TIMELESS: variants seen among roughly 807,000 people sequenced by gnomAD.
The protein encoded by TIMELESS is timeless circadian regulator.
In TIMELESS, 124 loss-of-function variants were observed where a neutral mutation model predicts 164.3. That is an observed-to-expected ratio of 0.75 (90% CI 0.65 to 0.88). The LOEUF is 0.88. Among genes scored for constraint, TIMELESS ranks in the 40% least tolerant of loss-of-function variants. TIMELESS has a pLI of 0.00. For synonymous variants in TIMELESS, 564 were observed against 563.4 expected, an observed-to-expected ratio of 1.00 and a Z score of -0.02; for missense variants, 1,422 against 1,491.4, an observed-to-expected ratio of 0.95 and a Z score of 0.77.
intron 1 of TIMELESS, among the ~76,000 whole-genome samples, chr12:56,438,919 T>A (rs1031425133): frequency 6.6e-6 from 1 of 151,622 alleles, no homozygotes; most frequent in African/African-American, 2.4e-5. Context: ...ATCCCAGCAC[T>A]TTTGGAGGCC....
At chr12:56,440,634 AAAT>A (rs892149043) in intron 1 of TIMELESS, among the ~76,000 whole-genome samples, 3 of 152,278 alleles carry the variant, frequency 2.0e-5, no homozygotes, top group African/African-American at 4.8e-5. Context: ...TATACTGAGG[AAAT>A]AATAATAATA....
rs146742054 is a variant in TIMELESS at position 56,432,419 on chromosome 12, G to A, written c.637C>T (p.Gln213Ter). The part of the protein sequence containing the change: ...LFLASSSAEE[Q>*]WSLHVLEIVS... Reference sequence around the variant, plus strand: ...ATCTCTAGCACATGTAGGCTCCATTGCTCCTCAGCAGACGAGCTGGCCAGA... The same window carrying A: ...ATCTCTAGCACATGTAGGCTCCATTACTCCTCAGCAGACGAGCTGGCCAGA... Residue 213 changes from glutamine (Q) to a stop codon, truncating the protein, a stop_gained, in exon 7 of 29, where the codon CAA becomes TAA. Transcript: ENST00000553532. LOFTEE classifies it high-confidence loss of function. 6.2e-7 allele frequency: 1 copy of A among 1,614,058 alleles called. No homozygotes were observed. Among genetic ancestry groups the A allele is most frequent in the African/African-American group, 1.3e-5 (1 of 74,918 alleles).
intron 15 of TIMELESS, 66 bp from the exon 16 acceptor site, chr12:56,423,960 T>A: frequency 7.2e-7 from 1 of 1,386,186 alleles, no homozygotes; most frequent in African/African-American, 1.4e-5. Context: ...TAATTCGAAG[T>A]AGAAGAAGGA....
rs761687091 is a variant in TIMELESS, at chr12:56,420,863, A to G, written c.3059T>C (p.Leu1020Pro). Residue 1020 changes from leucine (L) to proline (P), a missense_variant, in exon 25 of 29, where the codon CTA (leucine) becomes CCA (proline). Transcript: ENST00000553532. ...TCGGATCAGGCAGTTCTGGAGCCAT[A>G]GGAGCGGGATAGAAAAGCCTAAGGA... is the stretch of plus-strand genomic sequence containing the variant. ...LHQEGFSIPL[L>P]WLQNCLIRAA... 44 of 1,614,074 alleles carry G rather than the reference A, an allele frequency of 2.7e-5. No homozygotes were observed. In the Middle Eastern group the frequency reaches 4.9e-4, roughly 18 times the overall value.
At chr12:56,424,653 C>G in intron 15 of TIMELESS, 109 bp downstream of exon 15, 1 of 1,401,976 alleles carries the variant, frequency 7.1e-7, no homozygotes, top group Non-Finnish European at 9.7e-7. Flanking sequence ...GTATACAGTC[C>G]CAGAGCCTTG....
chr12:56,433,435 G>T lies in TIMELESS; in HGVS notation c.375C>A (p.Ala125=). 1 of 1,614,176 alleles carries T rather than the reference G, an allele frequency of 6.2e-7. No individual in the cohort carries two copies. The highest frequency in any genetic ancestry group is 8.5e-7 in the Non-Finnish European group (1 of 1,180,018). Residue 125 remains alanine (A), a synonymous_variant, in exon 5 of 29, where the codon GCC becomes GCA. Transcript: ENST00000553532. ...TGAGGACTCCAAAAGCCTTCTCACT[G>T]GCAAAGGCCTGTGAAATAGGGAACC... ...TYLQAYKEAF[A]SEKAFGVLSE...
In TIMELESS at chr12:56,420,569, C is replaced by G; in HGVS notation, c.3228G>C (p.Gln1076His). Residue 1076 changes from glutamine to histidine, a missense_variant and splice_region_variant, in exon 26 of 29, where the codon CAG becomes CAC. Coordinates refer to ENST00000553532, the MANE Select transcript of TIMELESS (RefSeq NM_003920.5). Reference sequence around the variant, plus strand: ...TTGACACTGTAACTGACATATTTACCTGCCCAGAGGCAGGGGGCCGAACCC... The same window carrying G: ...TTGACACTGTAACTGACATATTTACGTGCCCAGAGGCAGGGGGCCGAACCC... Reference protein sequence around the residue: ...KLGVRPPASGQETFWRIPAKL... With the variant: ...KLGVRPPASGHETFWRIPAKL... The G allele has an allele frequency of 6.2e-7, 1 of 1,614,016 alleles. No individual in the cohort carries two copies. Among genetic ancestry groups the G allele is most frequent in the South Asian group, 1.1e-5 (1 of 91,058 alleles).
intron 1 of TIMELESS, among the ~76,000 whole-genome samples, chr12:56,440,662 A>T (rs549386491): frequency 1.3e-5 from 2 of 152,158 alleles, no homozygotes; most frequent in Non-Finnish European, 2.9e-5. Context: ...CCCTCACAAG[A>T]TATTAGGGAA....
At chr12:56,430,306 G>A in intron 9 of TIMELESS, 25 bp from the exon 10 acceptor site, 3 of 1,598,948 alleles carry the variant, frequency 1.9e-6, no homozygotes, top group Non-Finnish European at 2.6e-6. Flanking sequence ...TGGGGGATTA[G>A]AATTACTCCT....
chr12:56,432,938 A>G, intron 6 of TIMELESS, 88 bp downstream of exon 6: 1 of 954,254 alleles, frequency 1.0e-6, no homozygotes, highest in Non-Finnish European at 1.5e-6. Context: ...CTGGCGACAG[A>G]GAGAGACTCC....
intron 1 of TIMELESS, among the ~76,000 whole-genome samples, chr12:56,446,539 ACT>A (rs1316452754): frequency 1.3e-5 from 2 of 151,790 alleles, no homozygotes; most frequent in Non-Finnish European, 2.9e-5. Flanking sequence ...AGCTCTGAAG[ACT>A]CTGTGCAGGC....
rs770512657 is a variant in TIMELESS, at chr12:56,432,492, C to T, written c.564G>A (p.Gln188=). Residue 188 remains glutamine (Q), a synonymous_variant, in exon 7 of 29, where the codon CAG becomes CAA. Transcript: ENST00000553532. ...KIDDDASAHD[Q]LLWAIHLSGL... ...CGCTGAGGTGAATCGCCCAGAGGAGCTGGTCATGGGCACTGGCGTCATCAT... is the reference window on the plus strand; with the variant it reads ...CGCTGAGGTGAATCGCCCAGAGGAGTTGGTCATGGGCACTGGCGTCATCAT... 1.9e-6 allele frequency: 3 copies of T among 1,614,124 alleles called. No individual in the cohort carries two copies. The highest frequency in any genetic ancestry group is 2.5e-6 in the Non-Finnish European group (3 of 1,180,018).
Position 56,423,440 on chromosome 12 carries a change from A to G in TIMELESS, c.2126T>C (p.Leu709Pro). 1 of 1,614,186 alleles carries G rather than the reference A, an allele frequency of 6.2e-7. No homozygotes were observed. Among genetic ancestry groups the G allele is most frequent in the South Asian group, 1.1e-5 (1 of 91,082 alleles). ...ACSTVVRAYV[L>P]LLRSYQQNSA... is the part of the protein sequence containing the mutation. ...ATTCTGCTGGTAGCTCCTTAGTAGCAGCACATAGGCTCGAACGACAGTTGA... is the reference window on the plus strand; with the variant it reads ...ATTCTGCTGGTAGCTCCTTAGTAGCGGCACATAGGCTCGAACGACAGTTGA... The change falls in exon 18 of 29, where the codon CTG (leucine) becomes CCG (proline). Residue 709 changes from leucine (L) to proline (P), a missense_variant. Coordinates refer to ENST00000553532, the MANE Select transcript of TIMELESS (RefSeq NM_003920.5).
At chr12:56,438,166 G>T (rs551590766) in intron 1 of TIMELESS, among the ~76,000 whole-genome samples, 1 of 151,850 alleles carries the variant, frequency 6.6e-6, no homozygotes, top group Non-Finnish European at 1.5e-5. Context: ...CTGCCTCAGC[G>T]TCCCAAGTAG....
intron 1 of TIMELESS, among the ~76,000 whole-genome samples, chr12:56,447,849 A>G (rs933025709): frequency 6.6e-6 from 1 of 152,160 alleles, no homozygotes; most frequent in Non-Finnish European, 1.5e-5. Context: ...GTCTTCAAAG[A>G]GAAGTTCGCT....
intron 19 of TIMELESS, 29 bp downstream of exon 19, chr12:56,422,812 TACCCCC>T: frequency 1.2e-5 from 10 of 811,850 alleles, no homozygotes; most frequent in Non-Finnish European, 2.0e-5. Context: ...AAACTTCCCC[TACCCCC>T]ACCCACCCTT....
At chr12:56,440,402 G>A (rs142043026) in intron 1 of TIMELESS, among the ~76,000 whole-genome samples, 157 of 152,298 alleles carry the variant, frequency 1.0e-3, no homozygotes, top group African/African-American at 3.5e-3. Context: ...CTCCCAAAGT[G>A]CTGGGATACC....
chr12:56,421,522 A>T, intron 22 of TIMELESS, 29 bp from the exon 23 acceptor site: 1 of 1,597,514 alleles, frequency 6.3e-7, no homozygotes, highest in Non-Finnish European at 8.5e-7. Context: ...TGAATACCCA[A>T]GGGTAACAGG....
intron 1 of TIMELESS, 59 bp from the exon 2 acceptor site, chr12:56,434,290 A>G: frequency 1.3e-6 from 1 of 789,092 alleles, no homozygotes; most frequent in Non-Finnish European, 2.1e-6. Flanking sequence ...GAAGATAGGA[A>G]CAGGACGAGG....
Sources: allele counts gnomAD v4.1 joint callset (sites outside exome capture counted in the v4.1 genomes callset), GRCh38; gene constraint gnomAD v4.1.1; transcripts MANE v1.5; gene names NCBI Gene and HGNC (gene_info 2026-07-23, HGNC 2026-07-21).